Variants in SMG6 observed in about 807,000 individuals in gnomAD.
The protein encoded by SMG6 is SMG6 nonsense mediated mRNA decay factor.
SMG6 carries 66 observed loss-of-function variants against 142.2 expected under a neutral mutation model. The ratio of observed to expected loss-of-function variants is 0.46; its 90% CI spans 0.38 to 0.57. The LOEUF is 0.57. SMG6 is among the 20% of genes least tolerant of loss of function. The pLI is 0.00. For missense variants in SMG6, 1,793 were observed against 1,832.0 expected (o/e 0.98, Z 0.39); for synonymous variants, 779 against 702.4 (o/e 1.11, Z -1.72).
intron 10 of SMG6, among the ~76,000 whole-genome samples, chr17:2,235,514 G>A (rs1359487207): frequency 6.6e-6 from 1 of 152,076 alleles, no homozygotes; most frequent in East Asian, 1.9e-4. Flanking sequence ...CTATGAAAAG[G>A]GGCAACAAGA....
At position 2,061,495 on chromosome 17, in the gene SMG6, G is replaced by T; in HGVS notation, c.4257C>A (p.Gly1419=). 1.9e-6 allele frequency: 3 copies of T among 1,567,414 alleles called. No homozygotes were observed. Among genetic ancestry groups the T allele is most frequent in the Non-Finnish European group, 1.7e-6 (2 of 1,157,762 alleles). The part of the protein sequence containing the change: ...IPAFLTWAQV[G] ...GGGGGGCCCCAGTGTGGCTCCCTCA[G>T]CCCACCTGGGCCCACGTGAGGAAGG... is the stretch of plus-strand genomic sequence containing the variant. Residue 1419 remains glycine, a synonymous_variant, in exon 19 of 19, where the codon GGC becomes GGA. Transcript: ENST00000263073.
At position 2,282,784 on chromosome 17, in the gene SMG6, T is replaced by C. The variant is rs750155315; in HGVS notation, c.2524A>G (p.Thr842Ala). The C allele has an allele frequency of 2.5e-5, 41 of 1,614,090 alleles. No individual in the cohort carries two copies. Among genetic ancestry groups the C allele is most frequent in the Non-Finnish European group, 3.2e-5 (38 of 1,180,044 alleles). ...PDQWRKGKKSTFRHVGDDTTR... is the reference protein window; with the variant it reads ...PDQWRKGKKSAFRHVGDDTTR... ...GTGTCATCTCCAACATGCCGGAAAG[T>C]AGACTTCTTTCCTTTCCGCCACTGG... The change falls in exon 8 of 19, where the codon ACT (threonine) becomes GCT (alanine). Residue 842 changes from threonine to alanine, a missense_variant. Thr to Ala is a moderately conservative substitution (Grantham distance 58, BLOSUM62 0). Around this residue, in one of 3 missense-constraint regions of SMG6, gnomAD observed 1,597 missense variants for 1,584.6 expected, o/e 1.01. Coordinates refer to ENST00000263073, the MANE Select transcript of SMG6 (RefSeq NM_017575.5).
At chr17:2,163,556 T>G (rs1321026598) in intron 13 of SMG6, among the ~76,000 whole-genome samples, 1 of 152,234 alleles carries the variant, frequency 6.6e-6, no homozygotes, top group East Asian at 1.9e-4. Flanking sequence ...ATCCAGCAAC[T>G]TTGCTACATT....
chr17:2,061,033 T>A lies in SMG6; in HGVS notation c.*459A>T, dbSNP rs988475098. 1 of 160,438 alleles carries A rather than the reference T, an allele frequency of 6.2e-6. No individual in the cohort carries two copies. Among genetic ancestry groups the A allele is most frequent in the African/African-American group, 2.4e-5 (1 of 41,574 alleles). The allele number at this position is 160,438 out of a possible 1,614,324, so 9.9% of individuals were successfully genotyped here. A position where few individuals can be genotyped will look rare whatever the true frequency, so the allele number is the denominator to read the frequency against. ...TCTTCCTGACTTAACCAAAGCCTCTTGAACACATTCACGACAGAGGTTCTG... is the reference window on the plus strand; with the variant it reads ...TCTTCCTGACTTAACCAAAGCCTCTAGAACACATTCACGACAGAGGTTCTG... On this transcript the variant is annotated 3_prime_UTR_variant, in exon 19 of 19. Transcript: ENST00000263073.
intron 13 of SMG6, among the ~76,000 whole-genome samples, chr17:2,136,595 G>A (rs77281416): frequency 0.023 from 3,466 of 152,062 alleles, 63 homozygotes; most frequent in South Asian, 0.065. Context: ...ACACACACAC[G>A]CATACGCACA....
chr17:2,165,227 A>G (rs763758009), intron 13 of SMG6, among the ~76,000 whole-genome samples: 3 of 152,170 alleles, frequency 2.0e-5, no homozygotes, highest in Admixed American at 1.3e-4. Flanking sequence ...TCTTCTTCAC[A>G]TGGTAGCTCC....
chr17:2,226,048 G>A (rs2073305951), intron 10 of SMG6, among the ~76,000 whole-genome samples: 1 of 152,188 alleles, frequency 6.6e-6, no homozygotes, highest in South Asian at 2.1e-4. Flanking sequence ...GGCTGAGGCA[G>A]GCGGATCGCC....
In SMG6 at chr17:2,300,139, C is replaced by T; in HGVS notation, c.614G>A (p.Gly205Asp). Residue 205 changes from glycine (G) to aspartate (D), a missense_variant, in exon 2 of 19, where the codon GGT becomes GAT. This residue lies in a region of SMG6 where 1,597 missense variants were observed against 1,584.6 expected (regional missense o/e 1.01). Transcript: ENST00000263073. Reference protein sequence around the residue: ...PDRAEIEKSPGGGRVGAAKGE... With the variant: ...PDRAEIEKSPDGGRVGAAKGE... Reference sequence around the variant, plus strand: ...TTTTGCAGCCCCTACTCTCCCACCACCTGGGCTCTTTTCTATCTCAGCCCT... The same window carrying T: ...TTTTGCAGCCCCTACTCTCCCACCATCTGGGCTCTTTTCTATCTCAGCCCT... 6.2e-7 allele frequency: 1 copy of T among 1,614,164 alleles called. No homozygotes were observed. The highest frequency in any genetic ancestry group is 8.5e-7 in the Non-Finnish European group (1 of 1,180,002).
chr17:2,082,046 T>C (rs1193498668), intron 14 of SMG6, 90 bp from the exon 15 acceptor site: 22 of 1,401,590 alleles, frequency 1.6e-5, no homozygotes, highest in Non-Finnish European at 2.0e-5. Context: ...TTGTGGCCCC[T>C]CACCCACGCA....
chr17:2,068,945 G>A lies in SMG6; in HGVS notation c.3682-14C>T. 1 of 1,613,146 alleles carries A rather than the reference G, an allele frequency of 6.2e-7. No individual in the cohort carries two copies. The highest frequency in any genetic ancestry group is 2.2e-5 in the East Asian group (1 of 44,872). On this transcript the variant is annotated splice_polypyrimidine_tract_variant and intron_variant, in intron 15 of 18. Transcript: ENST00000263073. The surrounding 1 kb of genome is among the most constrained non-coding windows in gnomAD (Gnocchi z 6.7). Reference sequence around the variant, plus strand: ...CTCCAGGACAGCCTATGGGGACAGAGTGGTGAATGAGCCAGACAGCGAGCA... The same window carrying A: ...CTCCAGGACAGCCTATGGGGACAGAATGGTGAATGAGCCAGACAGCGAGCA...
chr17:2,200,422 A>C (rs529643039), intron 10 of SMG6, among the ~76,000 whole-genome samples: 13 of 152,006 alleles, frequency 8.6e-5, no homozygotes, highest in Admixed American at 4.6e-4. Flanking sequence ...GGTTTGTCAC[A>C]TATGTATACA....
rs746177420 is a variant in SMG6 at position 2,299,437 on chromosome 17, C to G, written c.1316G>C (p.Gly439Ala). 1 of 1,614,100 alleles carries G rather than the reference C, an allele frequency of 6.2e-7. No individual in the cohort carries two copies. The highest frequency in any genetic ancestry group is 8.5e-7 in the Non-Finnish European group (1 of 1,180,026). Residue 439 changes from glycine (G) to alanine (A), a missense_variant, in exon 2 of 19, where the codon GGT becomes GCT. By Grantham distance (60) the Gly-to-Ala change is moderately conservative. This residue lies in a region of SMG6 where 1,597 missense variants were observed against 1,584.6 expected (regional missense o/e 1.01). Coordinates refer to ENST00000263073, the MANE Select transcript of SMG6 (RefSeq NM_017575.5). The surrounding 1 kb of genome is among the most constrained non-coding windows in gnomAD (Gnocchi z 4.3). ...GCCCCAACTCCGAGATCCCTTACTA[C>G]CAGATCCAAACAAAAGCCGAGGTCC... ...PLGPRLLFGS[G>A]SKGSRSWGRG...
chr17:2,159,746 C>A (rs574996420), intron 13 of SMG6, among the ~76,000 whole-genome samples: 38 of 152,144 alleles, frequency 2.5e-4, no homozygotes, highest in African/African-American at 8.9e-4. Context: ...TTTTTCATAA[C>A]CCCTCCAAAA....
chr17:2,300,435 C>G lies in SMG6; in HGVS notation c.318G>C (p.Gln106His), dbSNP rs1465374333. ...TATTTTCTGGGTCTATAGGACCATT[C>G]TGCTCTTGGTTGTTCAGTTCCTTGC... is the stretch of plus-strand genomic sequence containing the variant. ...DVCKELNNQE[Q>H]NGPIDPENNR... The change falls in exon 2 of 19, where the codon CAG becomes CAC. Residue 106 changes from glutamine to histidine, a missense_variant. Gln to His is a conservative substitution (Grantham distance 24, BLOSUM62 0). This residue lies in a region of SMG6 where 1,597 missense variants were observed against 1,584.6 expected (regional missense o/e 1.01). Coordinates refer to ENST00000263073, the MANE Select transcript of SMG6 (RefSeq NM_017575.5). 1 of 1,614,242 alleles carries G rather than the reference C, an allele frequency of 6.2e-7. No homozygotes were observed.
At chr17:2,084,466 G>A (rs985457558) in intron 14 of SMG6, among the ~76,000 whole-genome samples, 2 of 152,216 alleles carry the variant, frequency 1.3e-5, no homozygotes, top group African/African-American at 4.8e-5. Context: ...TATGTCATCA[G>A]GGGTGGGGTG....
intron 8 of SMG6, among the ~76,000 whole-genome samples, chr17:2,267,849 A>G (rs895384432): frequency 6.6e-6 from 1 of 151,128 alleles, no homozygotes; most frequent in Non-Finnish European, 1.5e-5. Context: ...ACAGGTTCAA[A>G]CCATTCTCCT....
chr17:2,195,206 A>G (rs1409927225), intron 10 of SMG6, among the ~76,000 whole-genome samples: 1 of 152,198 alleles, frequency 6.6e-6, no homozygotes, highest in African/African-American at 2.4e-5. Context: ...ATCCCTCATG[A>G]CATCATAAAA....
In SMG6 at chr17:2,085,121, C is replaced by T. The variant is rs1236012885; in HGVS notation, c.3534+604G>A. Reference sequence around the variant, plus strand: ...GTACACAGGCTCATGCATGTGCATGCGCGTGCGCACACACACACACAGACG... The same window carrying T: ...GTACACAGGCTCATGCATGTGCATGTGCGTGCGCACACACACACACAGACG... On this transcript the variant is annotated intron_variant, in intron 14 of 18. Transcript: ENST00000263073. The surrounding 1 kb of genome is among the most constrained non-coding windows in gnomAD (Gnocchi z 4.1). 2.0e-5 allele frequency among the ~76,000 whole-genome samples: 3 copies of T among 152,088 alleles called. No homozygotes were observed. The highest frequency in any genetic ancestry group is 1.5e-5 in the Non-Finnish European group (1 of 68,030).
chr17:2,105,696 T>TA (rs759538368), intron 13 of SMG6, among the ~76,000 whole-genome samples: 3 of 152,116 alleles, frequency 2.0e-5, no homozygotes, highest in Non-Finnish European at 4.4e-5. Flanking sequence ...AGAAAAGAAA[T>TA]ACTGAAATTT....
Sources: gnomAD v4.1 joint callset for allele counts (sites outside exome capture counted in the v4.1 genomes callset) on GRCh38, gnomAD v4.1.1 for gene constraint, gnomAD v4.1.1 regional missense constraint, Gnocchi (gnomAD v3.1) non-coding constraint, MANE v1.5 for transcripts, NCBI Gene and HGNC (gene_info 2026-07-23, HGNC 2026-07-21) for gene names.